PTPRG: variants seen among roughly 807,000 people sequenced by gnomAD.
PTPRG encodes the protein receptor-type tyrosine-protein phosphatase gamma.
A neutral mutation model predicts 165.3 loss-of-function variants in PTPRG; 102 were observed. That is an observed-to-expected ratio of 0.62 (90% CI 0.53 to 0.73). The LOEUF (loss-of-function observed/expected upper bound fraction) is 0.73, where lower values mean the gene tolerates loss of function less well. Ranked by LOEUF, PTPRG falls within the 30% of genes least tolerant of loss-of-function variation. The pLI is 0.00. For missense variants in PTPRG, 1,866 were observed against 1,861.4 expected (o/e 1.00, Z -0.05); for synonymous variants, 675 against 669.5 (o/e 1.01, Z -0.13).
intron 1 of PTPRG, among the ~76,000 whole-genome samples, chr3:61,598,800 C>T (rs1700766541): frequency 6.6e-6 from 1 of 152,000 alleles, no homozygotes; most frequent in Non-Finnish European, 1.5e-5. Flanking sequence ...CTGTTCCGTG[C>T]CCTCCCCTAG....
chr3:62,228,681 G>C lies in PTPRG; in HGVS notation c.2289-2544G>C, dbSNP rs1576159253. The stretch of plus-strand genomic sequence containing the variant: ...TCCTTTATGCAAAGCAAAGTCCACT[G>C]TTAACGGGTAGAATCAGATTCTTTT... On this transcript the variant is annotated intron_variant, in intron 13 of 29. Transcript: ENST00000474889. The surrounding 1 kb of genome is among the most constrained non-coding windows in gnomAD (Gnocchi z 4.1). 6.6e-6 allele frequency among the ~76,000 whole-genome samples: 1 copy of C among 152,302 alleles called. No homozygotes were observed. Among genetic ancestry groups the C allele is most frequent in the Admixed American group, 6.5e-5 (1 of 15,304 alleles).
intron 5 of PTPRG, among the ~76,000 whole-genome samples, chr3:62,102,925 AT>A (rs1422715804): frequency 6.6e-6 from 1 of 152,152 alleles, no homozygotes; most frequent in Non-Finnish European, 1.5e-5. Context: ...TTGAAAAGGC[AT>A]TTTTTAGCTT....
chr3:61,793,487 C>A (rs1345005449), intron 2 of PTPRG, among the ~76,000 whole-genome samples: 1 of 152,150 alleles, frequency 6.6e-6, no homozygotes, highest in African/African-American at 2.4e-5. Context: ...AGAACCAGAG[C>A]TATGATGATA....
chr3:61,600,537 T>A (rs1471265216), intron 1 of PTPRG, among the ~76,000 whole-genome samples: 1 of 152,054 alleles, frequency 6.6e-6, no homozygotes, highest in East Asian at 1.9e-4. Context: ...TTGGTTCTTT[T>A]GTTTTTTGTT....
chr3:61,617,401 C>G (rs529936931), intron 1 of PTPRG, among the ~76,000 whole-genome samples: 4 of 152,260 alleles, frequency 2.6e-5, no homozygotes, highest in African/African-American at 7.2e-5. Context: ...GTGGGTTGCT[C>G]AGGGTGTACA....
At chr3:62,062,025 C>T (rs1392469872) in intron 4 of PTPRG, among the ~76,000 whole-genome samples, 4 of 150,202 alleles carry the variant, frequency 2.7e-5, no homozygotes, top group Non-Finnish European at 4.4e-5. Flanking sequence ...GGGGGGCGGG[C>T]GTGGTGGCTC....
intron 4 of PTPRG, among the ~76,000 whole-genome samples, chr3:62,025,103 G>A (rs1409708821): frequency 6.6e-6 from 1 of 152,146 alleles, no homozygotes; most frequent in Non-Finnish European, 1.5e-5. Context: ...TCGTATGTGG[G>A]CAGTGAAGTC....
intron 1 of PTPRG, among the ~76,000 whole-genome samples, chr3:61,716,790 G>A (rs1482715576): frequency 6.6e-6 from 1 of 152,150 alleles, no homozygotes; most frequent in African/African-American, 2.4e-5. Context: ...GGCCAAGATG[G>A]TGAAACCCCA....
intron 2 of PTPRG, among the ~76,000 whole-genome samples, chr3:61,841,575 G>C (rs765396321): frequency 6.6e-6 from 1 of 151,738 alleles, no homozygotes; most frequent in Non-Finnish European, 1.5e-5. Context: ...CTTAGCCCTC[G>C]TCCACCACCA....
intron 2 of PTPRG, among the ~76,000 whole-genome samples, chr3:61,847,758 T>C (rs931780820): frequency 1.3e-5 from 2 of 152,042 alleles, no homozygotes; most frequent in Admixed American, 1.3e-4. Flanking sequence ...AAAAAAAAAA[T>C]CTCTGCCTTA....
chr3:62,001,246 C>T (rs1202543119), intron 3 of PTPRG, among the ~76,000 whole-genome samples: 1 of 152,160 alleles, frequency 6.6e-6, no homozygotes, highest in Non-Finnish European at 1.5e-5. Flanking sequence ...TGGTGAGAAA[C>T]ACTGTAAAAT....
intron 5 of PTPRG, among the ~76,000 whole-genome samples, chr3:62,093,217 C>T (rs750687242): frequency 2.0e-5 from 3 of 152,180 alleles, no homozygotes; most frequent in Non-Finnish European, 2.9e-5. Context: ...CCCTCCATCC[C>T]GGCTCCTATC....
chr3:61,992,470 G>A (rs561807669), intron 3 of PTPRG, among the ~76,000 whole-genome samples: 46 of 151,584 alleles, frequency 3.0e-4, no homozygotes, highest in Admixed American at 8.5e-4. Flanking sequence ...AGCAGTTTCC[G>A]TGCCTCATCG....
At chr3:61,635,111 GACTTA>G (rs1413132519) in intron 1 of PTPRG, among the ~76,000 whole-genome samples, 1 of 152,070 alleles carries the variant, frequency 6.6e-6, no homozygotes, top group East Asian at 1.9e-4. Context: ...ATGCAATAAA[GACTTA>G]ACTTCTACTT....
In PTPRG at chr3:61,922,373, C is replaced by T. The variant is rs903215458; in HGVS notation, c.191-67252C>T. Among the ~76,000 whole-genome samples the T allele has an allele frequency of 3.9e-5, 6 of 152,330 alleles. No homozygotes were observed. The East Asian group carries it at 5.8e-4, about 15-fold the overall frequency. ...AGGCTTCCTGCCTTCAAAAGATGTG[C>T]GCTCTGGTTGGGGAGATGGACAAGA... On this transcript the variant is annotated intron_variant, in intron 2 of 29. Transcript: ENST00000474889.
intron 1 of PTPRG, among the ~76,000 whole-genome samples, chr3:61,649,319 T>C (rs967076256): frequency 3.9e-5 from 6 of 152,162 alleles, no homozygotes; most frequent in African/African-American, 1.4e-4. Flanking sequence ...TGTGCCTGGC[T>C]TTGGTAATTT....
chr3:61,819,982 T>A (rs2035904063), intron 2 of PTPRG, among the ~76,000 whole-genome samples: 1 of 152,154 alleles, frequency 6.6e-6, no homozygotes, highest in Admixed American at 6.5e-5. Context: ...TTTAAGTGTT[T>A]CCTGACATTT....
At chr3:62,059,573 C>A (rs1413862811) in intron 4 of PTPRG, among the ~76,000 whole-genome samples, 6 of 152,186 alleles carry the variant, frequency 3.9e-5, no homozygotes, top group African/African-American at 1.4e-4. Context: ...CACAGTGGCT[C>A]ACGCCTATAA....
chr3:62,047,333 C>G (rs556115793), intron 4 of PTPRG, among the ~76,000 whole-genome samples: 1 of 151,914 alleles, frequency 6.6e-6, no homozygotes, highest in African/African-American at 2.4e-5. Context: ...GATCTCAGCT[C>G]GCTGCAACCT....
Sources: gnomAD v4.1 joint callset for allele counts (sites outside exome capture counted in the v4.1 genomes callset) on GRCh38, gnomAD v4.1.1 for gene constraint, Gnocchi (gnomAD v3.1) non-coding constraint, MANE v1.5 for transcripts, NCBI Gene and HGNC (gene_info 2026-07-23, HGNC 2026-07-21) for gene names.